GAS2: variants seen among roughly 807,000 people sequenced by gnomAD.
The protein encoded by GAS2 is growth arrest-specific protein 2.
GAS2 carries 20 observed loss-of-function variants against 37.5 expected under a neutral mutation model. The observed-to-expected ratio is 0.53, with a 90% CI of 0.37 to 0.77. GAS2 has a LOEUF of 0.77. GAS2 is among the 30% of genes least tolerant of loss of function. GAS2 has a pLI of 0.00. For missense variants in GAS2, 336 were observed against 373.4 expected, an observed-to-expected ratio of 0.90 and a Z score of 0.82; for synonymous variants, 144 against 132.2, an observed-to-expected ratio of 1.09 and a Z score of -0.61.
rs562404081 is a variant in GAS2, at chr11:22,749,091, A to G, written c.474-29A>G. 23 of 1,590,504 alleles carry G rather than the reference A, an allele frequency of 1.4e-5. No homozygotes were observed. The South Asian group carries it at 1.9e-4, about 13-fold the overall frequency. ...GTAATTGTATCATTATAAGTTATGC[A>G]TATGTAATGATCCAGGGTCTTTTTA... is the stretch of plus-strand genomic sequence containing the variant. On this transcript the variant is annotated intron_variant, in intron 5 of 7. Coordinates refer to ENST00000454584, the MANE Select transcript of GAS2 (RefSeq NM_001143830.3).
chr11:22,747,322 T>C (rs1437448839), intron 5 of GAS2, among the ~76,000 whole-genome samples: 2 of 152,202 alleles, frequency 1.3e-5, no homozygotes, highest in Non-Finnish European at 2.9e-5. Context: ...GTTTGCAGTC[T>C]AGCAGTTTCC....
chr11:22,754,599 G>GT (rs140761859), intron 6 of GAS2, among the ~76,000 whole-genome samples: 11 of 151,212 alleles, frequency 7.3e-5, no homozygotes, highest in South Asian at 2.1e-4. Flanking sequence ...TAATTTCAGG[G>GT]TTTTTTTCCT....
Position 22,722,527 on chromosome 11 carries a change from C to A in GAS2, c.268-3765C>A, listed in dbSNP as rs144350954. Among the ~76,000 whole-genome samples, 21 of 151,994 alleles carry A rather than the reference C, an allele frequency of 1.4e-4. No homozygotes were observed. The East Asian group carries it at 3.5e-3, about 25-fold the overall frequency. On this transcript the variant is annotated intron_variant, in intron 3 of 7. Transcript: ENST00000454584. ...CTAGTGAGTGAGTGAGCCTAAATTT[C>A]TATCCAATTTAGGTTCAGCTTGACT... is the stretch of plus-strand genomic sequence containing the variant.
intron 7 of GAS2, among the ~76,000 whole-genome samples, chr11:22,776,260 G>A (rs1026823635): frequency 6.6e-6 from 1 of 152,152 alleles, no homozygotes; most frequent in African/African-American, 2.4e-5. Flanking sequence ...AGGCTTTGTG[G>A]GGTGTATGGT....
chr11:22,665,788 T>G (rs1256734515), upstream of GAS2, among the ~76,000 whole-genome samples: 1 of 152,200 alleles, frequency 6.6e-6, no homozygotes, highest in East Asian at 1.9e-4. Flanking sequence ...ATATCTAAAA[T>G]CATCCACATC....
At chr11:22,658,784 C>T (rs575264223) in intron 1 of GAS2, among the ~76,000 whole-genome samples, 1 of 152,152 alleles carries the variant, frequency 6.6e-6, no homozygotes, top group African/African-American at 2.4e-5. Context: ...CGAAAGATCT[C>T]CCTGACTTTT....
At chr11:22,735,748 T>G (rs1325684511) in intron 4 of GAS2, among the ~76,000 whole-genome samples, 3 of 151,906 alleles carry the variant, frequency 2.0e-5, no homozygotes, top group Non-Finnish European at 4.4e-5. Context: ...TTATCAGGTA[T>G]TATCTTTTAT....
intron 6 of GAS2, among the ~76,000 whole-genome samples, chr11:22,751,610 C>T (rs953938114): frequency 2.0e-5 from 3 of 151,950 alleles, no homozygotes; most frequent in Non-Finnish European, 4.4e-5. Flanking sequence ...ATGCATGCAC[C>T]TTTCATTTCT....
chr11:22,774,772 A>ATT (rs112113466), intron 7 of GAS2, among the ~76,000 whole-genome samples: 1 of 146,734 alleles, frequency 6.8e-6, no homozygotes, highest in African/African-American at 2.5e-5. Context: ...ACCTATCGTG[A>ATT]TTTTTTTTTT....
intron 4 of GAS2, among the ~76,000 whole-genome samples, chr11:22,733,252 C>A (rs1267538064): frequency 2.6e-5 from 4 of 151,744 alleles, no homozygotes; most frequent in Non-Finnish European, 4.4e-5. Context: ...TTTACTATTT[C>A]TTCTACTATA....
At chr11:22,662,683 G>A (rs1443923156), upstream of GAS2, among the ~76,000 whole-genome samples, 1 of 151,906 alleles carries the variant, frequency 6.6e-6, no homozygotes, top group Admixed American at 6.6e-5. Flanking sequence ...CTTCAACTTA[G>A]ACAACAGACG....
At chr11:22,660,704 C>T (rs1848905845) in intron 1 of GAS2, among the ~76,000 whole-genome samples, 1 of 152,158 alleles carries the variant, frequency 6.6e-6, no homozygotes, top group African/African-American at 2.4e-5. Context: ...TCCTTGACAG[C>T]CTCTGTGGGG....
At chr11:22,801,964 CTTGA>C (rs1177357237) in intron 7 of GAS2, among the ~76,000 whole-genome samples, 1 of 151,662 alleles carries the variant, frequency 6.6e-6, no homozygotes, top group African/African-American at 2.4e-5. Flanking sequence ...ACAAAATGCT[CTTGA>C]TTAAGAATGG....
At chr11:22,790,539 A>G (rs759204181) in intron 7 of GAS2, among the ~76,000 whole-genome samples, 15 of 149,116 alleles carry the variant, frequency 1.0e-4, no homozygotes, top group Non-Finnish European at 4.4e-5. Flanking sequence ...CACAAAACCT[A>G]TTGCCCTCAA....
intron 4 of GAS2, among the ~76,000 whole-genome samples, chr11:22,736,839 C>T (rs1441757940): frequency 6.6e-6 from 1 of 151,742 alleles, no homozygotes; most frequent in Non-Finnish European, 1.5e-5. Context: ...TCTCTCTTAT[C>T]TTTATTCAGT....
intron 4 of GAS2, among the ~76,000 whole-genome samples, chr11:22,729,470 C>A (rs1288355364): frequency 3.3e-5 from 5 of 151,808 alleles, no homozygotes; most frequent in Admixed American, 2.6e-4. Flanking sequence ...TTATGCTTGG[C>A]AGATAACTTC....
At chr11:22,627,705 G>A (rs948001434) in intron 1 of GAS2, among the ~76,000 whole-genome samples, 1 of 151,450 alleles carries the variant, frequency 6.6e-6, no homozygotes, top group East Asian at 1.9e-4. Flanking sequence ...AACCCGGGAG[G>A]TGAAGGTTAC....
chr11:22,745,630 C>T (rs1290847536), intron 5 of GAS2, among the ~76,000 whole-genome samples: 1 of 152,040 alleles, frequency 6.6e-6, no homozygotes, highest in African/African-American at 2.4e-5. Context: ...TTCTGCACAA[C>T]AAAATAAATT....
chr11:22,794,293 C>A (rs766725787), intron 7 of GAS2, among the ~76,000 whole-genome samples: 1 of 152,040 alleles, frequency 6.6e-6, no homozygotes, highest in Admixed American at 6.6e-5. Context: ...AAACAGCAAA[C>A]CTGCTCCTCC....
Sources: allele counts gnomAD v4.1 joint callset (sites outside exome capture counted in the v4.1 genomes callset), GRCh38; gene constraint gnomAD v4.1.1; transcripts MANE v1.5; gene names NCBI Gene and HGNC (gene_info 2026-07-23, HGNC 2026-07-21).